Variants in SENP7 observed in about 807,000 individuals in gnomAD.
SENP7 encodes SUMO specific peptidase 7.
In SENP7, 64 loss-of-function variants were observed where a neutral mutation model predicts 141.2. The observed-to-expected ratio is 0.45, with a 90% confidence interval of 0.37 to 0.56. The LOEUF is 0.56. SENP7 is among the 20% of genes least tolerant of loss of function. The pLI, the probability that SENP7 is intolerant of heterozygous loss-of-function variation, is 0.00. For synonymous variants in SENP7, 382 were observed against 426.4 expected (o/e 0.90, Z 1.28); for missense variants, 1,025 against 1,212.2 (o/e 0.85, Z 2.29).
intron 3 of SENP7, among the ~76,000 whole-genome samples, chr3:101,462,159 C>G (rs2063567112): frequency 6.6e-6 from 1 of 152,210 alleles, no homozygotes; most frequent in African/African-American, 2.4e-5. Context: ...TGCCATAAAA[C>G]GGCTAACATG....
intron 6 of SENP7, among the ~76,000 whole-genome samples, chr3:101,378,071 T>C (rs1350173281): frequency 1.3e-5 from 2 of 151,952 alleles, no homozygotes; most frequent in African/African-American, 4.8e-5. Flanking sequence ...ACAGAATGCT[T>C]TTCTTCCTCT....
intron 13 of SENP7, among the ~76,000 whole-genome samples, chr3:101,344,338 C>T (rs1296491329): frequency 6.6e-6 from 1 of 152,178 alleles, no homozygotes; most frequent in Non-Finnish European, 1.5e-5. Flanking sequence ...CCTACATTTT[C>T]TCCTCAGTCA....
intron 4 of SENP7, among the ~76,000 whole-genome samples, chr3:101,446,416 A>T (rs1393205171): frequency 6.6e-6 from 1 of 152,250 alleles, no homozygotes; most frequent in Non-Finnish European, 1.5e-5. Flanking sequence ...GACCTAATAG[A>T]CCTAACAGAC....
intron 4 of SENP7, among the ~76,000 whole-genome samples, chr3:101,445,344 A>G (rs978910982): frequency 3.3e-5 from 5 of 152,348 alleles, no homozygotes; most frequent in African/African-American, 1.2e-4. Context: ...GGAGTCATAC[A>G]TCTAGAAGCA....
intron 6 of SENP7, among the ~76,000 whole-genome samples, chr3:101,382,541 A>T (rs1471342931): frequency 6.6e-6 from 1 of 152,214 alleles, no homozygotes; most frequent in Non-Finnish European, 1.5e-5. Flanking sequence ...ACTTCTTTAC[A>T]TTAGCAGTTA....
At chr3:101,448,579 G>GA (rs397942189) in intron 4 of SENP7, among the ~76,000 whole-genome samples, 1 of 16,522 alleles carries the variant, frequency 6.1e-5, no homozygotes, top group African/African-American at 5.1e-4. Context: ...TTGTCTCAGA[G>GA]AGTAAGCGGC....
At chr3:101,435,696 T>C (rs1315287632) in intron 4 of SENP7, among the ~76,000 whole-genome samples, 1 of 151,872 alleles carries the variant, frequency 6.6e-6, no homozygotes, top group Non-Finnish European at 1.5e-5. Context: ...TAGCCACATA[T>C]AAAATTACCT....
chr3:101,463,364 AATAT>A (rs71625265), intron 3 of SENP7, among the ~76,000 whole-genome samples: 2,869 of 88,766 alleles, frequency 0.032, 69 homozygotes, highest in Non-Finnish European at 0.043. Flanking sequence ...TAAATAAATA[AATAT>A]ATATATATAT....
rs185098120 is a variant in SENP7, at chr3:101,335,938, A to T, written c.2480+1571T>A. ...CATCAGGACAAATTCCAAACCTGTA[A>T]AGACACTCAAAATGGAGTTAATCAT... On this transcript the variant is annotated intron_variant, in intron 17 of 23. Coordinates refer to ENST00000394095, the MANE Select transcript of SENP7 (RefSeq NM_020654.5). 2.6e-5 allele frequency among the ~76,000 whole-genome samples: 4 copies of T among 152,330 alleles called. No homozygotes were observed. The East Asian group carries it at 7.7e-4, about 29-fold the overall frequency.
At chr3:101,494,598 G>A (rs2065091770) in intron 2 of SENP7, among the ~76,000 whole-genome samples, 1 of 151,708 alleles carries the variant, frequency 6.6e-6, no homozygotes. Flanking sequence ...AGAATCAATG[G>A]AACAGACCAA....
At chr3:101,387,892 A>G (rs1408765590) in intron 6 of SENP7, among the ~76,000 whole-genome samples, 2 of 152,158 alleles carry the variant, frequency 1.3e-5, no homozygotes, top group East Asian at 3.8e-4. Context: ...GCACACCACC[A>G]ATGGCTCCTG....
Position 101,361,211 on chromosome 3 carries a change from C to T in SENP7, c.1623+504G>A, listed in dbSNP as rs537665931. Among the ~76,000 whole-genome samples the T allele has an allele frequency of 1.0e-3, 127 of 123,992 alleles. 1 individual carries two copies. Among genetic ancestry groups the T allele is most frequent in the African/African-American group, 3.0e-3 (103 of 34,498 alleles). The allele number at this position is 123,992 out of a possible 152,430, so 81.3% of individuals were successfully genotyped here. A position where few individuals can be genotyped will look rare whatever the true frequency, so the allele number is the denominator to read the frequency against. ...CTGGGTGAAACAGTGAGACTCTGTC[C>T]GCCCCCCCAAAAAAAAAAAATAGAG... On this transcript the variant is annotated intron_variant, in intron 11 of 23. Transcript: ENST00000394095.
At chr3:101,394,012 A>G (rs2060890184) in intron 6 of SENP7, among the ~76,000 whole-genome samples, 1 of 152,148 alleles carries the variant, frequency 6.6e-6, no homozygotes, top group Admixed American at 6.6e-5. Context: ...TATACAATGC[A>G]CTACAGTCAC....
chr3:101,435,766 A>T lies in SENP7; in HGVS notation c.285-17976T>A, dbSNP rs895503910. On this transcript the variant is annotated intron_variant, in intron 4 of 23. Coordinates refer to ENST00000394095, the MANE Select transcript of SENP7 (RefSeq NM_020654.5). ...TAAAAACTATAAAACAATTATTAAG[A>T]AATATGAGAACACTAAAAAATAGAA... Among the ~76,000 whole-genome samples the T allele has an allele frequency of 4.6e-5, 7 of 152,128 alleles. 1 individual carries two copies. The highest frequency in any genetic ancestry group is 1.0e-4 in the Non-Finnish European group (7 of 67,980).
chr3:101,330,182 T>C (rs2059011583), intron 20 of SENP7, 152 bp downstream of exon 20: 3 of 510,032 alleles, frequency 5.9e-6, no homozygotes, highest in Non-Finnish European at 1.1e-5. Flanking sequence ...TCTCGTTCTC[T>C]TCCCCAGCCC....
chr3:101,459,769 G>A lies in SENP7; in HGVS notation c.187-717C>T, dbSNP rs79854319. On this transcript the variant is annotated intron_variant, in intron 3 of 23. Transcript: ENST00000394095. ...CAATCATGTTTGTAGTCCACGATTC[G>A]CAATAACCAAAAGAGGGAAGAATCC... Among the ~76,000 whole-genome samples, 1,228 of 152,138 alleles carry A rather than the reference G, an allele frequency of 8.1e-3. 19 individuals are homozygous for A. Among genetic ancestry groups the A allele is most frequent in the African/African-American group, 0.028 (1,178 of 41,496 alleles).
In SENP7 at chr3:101,459,000, T is replaced by G. The variant is rs369174990; in HGVS notation, c.239A>C (p.Lys80Thr). The change falls in exon 4 of 24, where the codon AAA (lysine) becomes ACA (threonine). Residue 80 changes from lysine (K) to threonine (T), a missense_variant. Lys to Thr is a moderately conservative substitution (Grantham distance 78). Transcript: ENST00000394095. ...KVISLDHKNK[K>T]HIRGCPVTSK... ...AGTAACAGGACACCCTCGGATATGTTTTTTATTTTTATGGTCTAGAGAGAT... is the reference window on the plus strand; with the variant it reads ...AGTAACAGGACACCCTCGGATATGTGTTTTATTTTTATGGTCTAGAGAGAT... The G allele has an allele frequency of 4.3e-6, 7 of 1,610,642 alleles. No homozygotes were observed. The South Asian group carries it at 7.7e-5, about 18-fold the overall frequency.
At chr3:101,363,353 C>T (rs1231173975) in intron 10 of SENP7, among the ~76,000 whole-genome samples, 2 of 152,090 alleles carry the variant, frequency 1.3e-5, no homozygotes, top group Non-Finnish European at 2.9e-5. Flanking sequence ...CTAGCTGGCT[C>T]CTAAAAATGA....
At chr3:101,502,922 A>AT (rs1491319992) in intron 1 of SENP7, among the ~76,000 whole-genome samples, 4 of 73,772 alleles carry the variant, frequency 5.4e-5, no homozygotes, top group African/African-American at 3.5e-4. Flanking sequence ...TCTCAGATTT[A>AT]AAAAAAAAAA....
Sources: gnomAD v4.1 joint callset for allele counts (sites outside exome capture counted in the v4.1 genomes callset) on GRCh38, gnomAD v4.1.1 for gene constraint, MANE v1.5 for transcripts, NCBI Gene and HGNC (gene_info 2026-07-23, HGNC 2026-07-21) for gene names.